Variants in RRAS2 observed in about 807,000 individuals in gnomAD.
RRAS2 encodes the protein ras-related protein R-Ras2.
Under a neutral mutation model 27.6 loss-of-function variants are expected in RRAS2, and 7 were observed. The ratio of observed to expected loss-of-function variants is 0.25; its 90% confidence interval spans 0.14 to 0.48. The LOEUF is 0.48. Among genes scored for constraint, RRAS2 ranks in the 20% least tolerant of loss-of-function variants. The pLI is 0.99. For synonymous variants in RRAS2, 86 were observed against 90.9 expected (o/e 0.95, Z 0.31); for missense variants, 178 against 256.2 (o/e 0.69, Z 2.08).
chr11:14,318,595 C>T (rs1564968925), intron 1 of RRAS2, among the ~76,000 whole-genome samples: 1 of 152,190 alleles, frequency 6.6e-6, no homozygotes, highest in East Asian at 1.9e-4. Flanking sequence ...AAAGCAAAAC[C>T]CTTCTCTCAC....
intron 1 of RRAS2, among the ~76,000 whole-genome samples, chr11:14,324,766 C>T (rs782168434): frequency 3.3e-5 from 5 of 151,818 alleles, no homozygotes; most frequent in African/African-American, 1.2e-4. Flanking sequence ...CTACCCTCTA[C>T]GAAATTTAGA....
At chr11:14,306,571 C>T (rs1478905459) in intron 1 of RRAS2, among the ~76,000 whole-genome samples, 1 of 152,156 alleles carries the variant, frequency 6.6e-6, no homozygotes, top group African/African-American at 2.4e-5. Flanking sequence ...TCTTATTACC[C>T]ACCAACAACT....
At chr11:14,279,741 T>C (rs1349952267) in intron 5 of RRAS2, among the ~76,000 whole-genome samples, 1 of 152,226 alleles carries the variant, frequency 6.6e-6, no homozygotes, top group Non-Finnish European at 1.5e-5. Flanking sequence ...AGATTCATCA[T>C]TAGAGTGCAA....
intron 1 of RRAS2, among the ~76,000 whole-genome samples, chr11:14,351,258 G>C (rs1201041558): frequency 6.6e-6 from 1 of 152,100 alleles, no homozygotes; most frequent in Non-Finnish European, 1.5e-5. Flanking sequence ...AGAGACTAAA[G>C]AACTGTTCCA....
intron 1 of RRAS2, among the ~76,000 whole-genome samples, chr11:14,298,993 C>T (rs1239452492): frequency 5.3e-5 from 8 of 152,170 alleles, no homozygotes; most frequent in Non-Finnish European, 1.5e-5. Context: ...AATTCTAACT[C>T]TGCTATTCCC....
chr11:14,329,176 T>C (rs1848436279), intron 1 of RRAS2, among the ~76,000 whole-genome samples: 1 of 151,806 alleles, frequency 6.6e-6, no homozygotes, highest in South Asian at 2.1e-4. Context: ...AATGGCGCGA[T>C]CTCAGCTCAC....
chr11:14,360,215 C>T (rs1849172383), upstream of RRAS2, among the ~76,000 whole-genome samples: 1 of 151,212 alleles, frequency 6.6e-6, no homozygotes, highest in Non-Finnish European at 1.5e-5. Context: ...AAAAAAAAGT[C>T]CCACTGAGCT....
Position 14,281,600 on chromosome 11 carries a change from AC to A in RRAS2, c.527+1del. 1 of 1,594,836 alleles carries A rather than the reference AC, an allele frequency of 6.3e-7. No homozygotes were observed. Among genetic ancestry groups the A allele is most frequent in the Non-Finnish European group, 8.5e-7 (1 of 1,173,154 alleles). On this transcript the variant is annotated splice_donor_variant, in intron 5 of 5. Coordinates refer to ENST00000256196, the MANE Select transcript of RRAS2 (RefSeq NM_012250.6). LOFTEE classifies it high-confidence loss of function. ...CACACATCTAGAATGTGTTTTGCTT[AC>A]CTGATAACCCGGACAAGTTCATGGA...
chr11:14,309,175 T>G (rs1275448561), intron 1 of RRAS2, among the ~76,000 whole-genome samples: 5 of 152,168 alleles, frequency 3.3e-5, no homozygotes, highest in African/African-American at 9.7e-5. Context: ...TCTATCCCGT[T>G]ACCTACCAAT....
At chr11:14,312,045 A>C (rs1847983641) in intron 1 of RRAS2, among the ~76,000 whole-genome samples, 1 of 151,682 alleles carries the variant, frequency 6.6e-6, no homozygotes, top group African/African-American at 2.4e-5. Flanking sequence ...TTGTATTTTT[A>C]GTAGAGATGG....
chr11:14,283,912 T>C (rs1849604132), intron 4 of RRAS2, among the ~76,000 whole-genome samples: 1 of 152,138 alleles, frequency 6.6e-6, no homozygotes, highest in South Asian at 2.1e-4. Context: ...CAGGATGGTC[T>C]TGAACTGCTC....
chr11:14,355,027 C>G (rs2134043129), intron 1 of RRAS2, among the ~76,000 whole-genome samples: 1 of 152,070 alleles, frequency 6.6e-6, no homozygotes, highest in East Asian at 1.9e-4. Context: ...GGATGATTTA[C>G]CTGCATTATT....
intron 1 of RRAS2, among the ~76,000 whole-genome samples, chr11:14,329,795 C>T (rs1391750329): frequency 6.6e-6 from 1 of 152,220 alleles, no homozygotes; most frequent in Non-Finnish European, 1.5e-5. Flanking sequence ...CAGGGCCAGG[C>T]ACAGTGGCCC....
At chr11:14,335,989 G>A (rs1848581870) in intron 1 of RRAS2, among the ~76,000 whole-genome samples, 1 of 152,166 alleles carries the variant, frequency 6.6e-6, no homozygotes, top group Non-Finnish European at 1.5e-5. Flanking sequence ...GGTCAAGTGG[G>A]GATCCTAGAA....
intron 5 of RRAS2, among the ~76,000 whole-genome samples, chr11:14,280,726 C>CCAA (rs1849506239): frequency 2.1e-5 from 1 of 48,304 alleles, no homozygotes; most frequent in African/African-American, 1.0e-4. Flanking sequence ...ACTCTGTTTC[C>CCAA]AAAAAAAAAA....
intron 1 of RRAS2, among the ~76,000 whole-genome samples, chr11:14,302,369 G>C (rs540697421): frequency 6.6e-6 from 1 of 152,294 alleles, no homozygotes; most frequent in South Asian, 2.1e-4. Context: ...ATTAATAGAT[G>C]CATTTATATC....
Position 14,279,311 on chromosome 11 carries a change from C to G in RRAS2, c.*26G>C. ...AGAGAAGATGAGGGCTTTTCCTGGCCGTTGGTAGCTAAAACTGAAGGGATT... is the reference window on the plus strand; with the variant it reads ...AGAGAAGATGAGGGCTTTTCCTGGCGGTTGGTAGCTAAAACTGAAGGGATT... On this transcript the variant is annotated 3_prime_UTR_variant, in exon 6 of 6. Transcript: ENST00000256196. The G allele has an allele frequency of 6.6e-7, 1 of 1,514,254 alleles. No homozygotes were observed. 93.8% of individuals were successfully genotyped at this position (1,514,254 alleles called of 1,614,324 possible). A position where few individuals can be genotyped will look rare whatever the true frequency, so the allele number is the denominator to read the frequency against.
In RRAS2 at chr11:14,328,915, C is replaced by T. The variant is rs782735111; in HGVS notation, c.108+29848G>A. 1.6e-4 allele frequency among the ~76,000 whole-genome samples: 24 copies of T among 151,642 alleles called. 1 individual carries two copies. The highest frequency in any genetic ancestry group is 2.4e-4 in the Non-Finnish European group (16 of 67,938). On this transcript the variant is annotated intron_variant, in intron 1 of 5. Coordinates refer to ENST00000256196, the MANE Select transcript of RRAS2 (RefSeq NM_012250.6). ...CCAACCTCAGGTGATCCACCGGCCTCGGCCTCCCAAAGTGCTGGGATTACA... is the reference window on the plus strand; with the variant it reads ...CCAACCTCAGGTGATCCACCGGCCTTGGCCTCCCAAAGTGCTGGGATTACA...
intron 4 of RRAS2, among the ~76,000 whole-genome samples, chr11:14,282,462 A>G (rs782329441): frequency 8.5e-5 from 13 of 152,234 alleles, no homozygotes; most frequent in Non-Finnish European, 1.6e-4. Context: ...GAATAAGAAA[A>G]CATAAACTGA....
Sources: gnomAD v4.1 joint callset for allele counts (sites outside exome capture counted in the v4.1 genomes callset) on GRCh38, gnomAD v4.1.1 for gene constraint, MANE v1.5 for transcripts, NCBI Gene and HGNC (gene_info 2026-07-23, HGNC 2026-07-21) for gene names.